The following ABCD2 variants were observed in gnomAD, a reference collection of about 807,000 sequenced individuals.
ABCD2 encodes the protein ATP binding cassette subfamily D member 2.
A neutral mutation model predicts 70.9 loss-of-function variants in ABCD2; 36 were observed. That is an observed-to-expected ratio of 0.51 (90% CI 0.39 to 0.67). The LOEUF (loss-of-function observed/expected upper bound fraction) is 0.67, where lower values mean the gene tolerates loss of function less well. Among genes scored for constraint, ABCD2 ranks in the 30% least tolerant of loss-of-function variants. The pLI is 0.00. For missense variants in ABCD2, 729 were observed against 890.2 expected (o/e 0.82, Z 2.30); for synonymous variants, 304 against 306.9 (o/e 0.99, Z 0.10).
At chr12:39,566,041 T>C (rs1479105874) in intron 9 of ABCD2, among the ~76,000 whole-genome samples, 2 of 152,230 alleles carry the variant, frequency 1.3e-5, no homozygotes, top group Non-Finnish European at 2.9e-5. Flanking sequence ...CAGTGTTTTA[T>C]TGAGGATTTT....
the ABCD2 span, among the ~76,000 whole-genome samples, chr12:39,542,387 C>G: frequency 1.3e-5 from 2 of 150,830 alleles, no homozygotes; most frequent in South Asian, 4.2e-4. Context: ...CGCTTGAACC[C>G]GAGAGGTGGA....
At position 39,552,744 on chromosome 12, in the gene ABCD2, T is replaced by C. The variant is rs1014597186; in HGVS notation, c.*1168A>G. 1 of 151,968 alleles carries C rather than the reference T, an allele frequency of 6.6e-6. No homozygotes were observed. Among genetic ancestry groups the C allele is most frequent in the African/African-American group, 2.4e-5 (1 of 41,422 alleles). The allele number at this position is 151,968 out of a possible 1,614,324, so 9.4% of individuals were successfully genotyped here. ...AACAATAACCAAATAACAATAAGAC[T>C]AACATTATGAAATTTATTTTATTTT... On this transcript the variant is annotated 3_prime_UTR_variant, in exon 10 of 10. Transcript: ENST00000308666.
intron 6 of ABCD2, among the ~76,000 whole-genome samples, chr12:39,589,046 T>C (rs1270518840): frequency 6.6e-6 from 1 of 152,186 alleles, no homozygotes; most frequent in Non-Finnish European, 1.5e-5. Context: ...TCCCTGTTCT[T>C]TGAAAATATA....
chr12:39,568,628 G>A (rs1042108414), intron 9 of ABCD2, among the ~76,000 whole-genome samples: 4 of 152,222 alleles, frequency 2.6e-5, no homozygotes, highest in Admixed American at 6.5e-5. Flanking sequence ...CTCTGAACTC[G>A]TCAAAGTCAT....
intron 9 of ABCD2, among the ~76,000 whole-genome samples, chr12:39,566,441 T>C (rs1941349466): frequency 6.6e-6 from 1 of 152,226 alleles, no homozygotes; most frequent in African/African-American, 2.4e-5. Context: ...TGTTTGCTGA[T>C]GGTAGTTTGT....
At position 39,554,773 on chromosome 12, in the gene ABCD2, C is replaced by T. The variant is rs1480685712; in HGVS notation, c.2004-642G>A. ...TACTGATGAGATAGGAGATGATCCA[C>T]CTTGTCCTAAAGGAGGCTGAGGTCA... On this transcript the variant is annotated intron_variant, in intron 9 of 9. Transcript: ENST00000308666. Among the ~76,000 whole-genome samples the T allele has an allele frequency of 2.6e-5, 4 of 152,044 alleles. 1 individual carries two copies. Among genetic ancestry groups the T allele is most frequent in the Non-Finnish European group, 5.9e-5 (4 of 68,028 alleles).
chr12:39,603,944 C>A lies in ABCD2; in HGVS notation c.1468G>T (p.Gly490Ter). The A allele has an allele frequency of 6.2e-7, 1 of 1,612,762 alleles. No homozygotes were observed. The change falls in exon 5 of 10, where the codon GGA becomes TGA. Residue 490 changes from glycine (G) to a stop codon, truncating the protein, a stop_gained. Transcript: ENST00000308666. LOFTEE classifies it high-confidence loss of function. ...TTTAGCCTGGAAGCCACCACTTCTC[C>A]TGCTGGTGTAATTATGGGAACATTT... ...CENVPIITPA[G>*]EVVASRLNFK...
chr12:39,608,904 C>T (rs1942008796), intron 2 of ABCD2, among the ~76,000 whole-genome samples: 1 of 152,118 alleles, frequency 6.6e-6, no homozygotes, highest in Non-Finnish European at 1.5e-5. Context: ...TCCAGCAGCA[C>T]CCCATACATG....
At chr12:39,547,467 A>G (rs1470034045), downstream of ABCD2, among the ~76,000 whole-genome samples, 1 of 152,160 alleles carries the variant, frequency 6.6e-6, no homozygotes, top group African/African-American at 2.4e-5. Flanking sequence ...CATGTACAGG[A>G]CTGTTATTCA....
chr12:39,548,454 C>T (rs1457494760), downstream of ABCD2, among the ~76,000 whole-genome samples: 3 of 151,934 alleles, frequency 2.0e-5, no homozygotes, highest in Admixed American at 2.0e-4. Context: ...CTCATATAAA[C>T]AATGAGCTAG....
At chr12:39,559,088 G>A (rs927110686) in intron 9 of ABCD2, among the ~76,000 whole-genome samples, 6 of 152,060 alleles carry the variant, frequency 3.9e-5, no homozygotes, top group Admixed American at 2.6e-4. Flanking sequence ...AAGAGCAAAT[G>A]TCGCCTGGAC....
At chr12:39,584,541 T>G (rs188048335) in intron 7 of ABCD2, among the ~76,000 whole-genome samples, 92 of 152,328 alleles carry the variant, frequency 6.0e-4, no homozygotes, top group Non-Finnish European at 1.1e-3. Context: ...ACTTGTCAAT[T>G]TTTGCTTTCA....
intron 6 of ABCD2, among the ~76,000 whole-genome samples, chr12:39,597,217 T>C (rs765026255): frequency 2.0e-5 from 3 of 152,202 alleles, no homozygotes; most frequent in Non-Finnish European, 1.5e-5. Context: ...TCTGTCTTTC[T>C]TCCTTCTGTC....
intron 9 of ABCD2, among the ~76,000 whole-genome samples, chr12:39,568,687 G>C (rs1025714203): frequency 2.0e-4 from 31 of 152,304 alleles, no homozygotes; most frequent in African/African-American, 6.0e-4. Flanking sequence ...CGTTCCTTTG[G>C]AGGAGGAGAG....
the ABCD2 span, among the ~76,000 whole-genome samples, chr12:39,540,910 C>T: frequency 1.3e-5 from 2 of 152,234 alleles, no homozygotes; most frequent in East Asian, 3.8e-4. Context: ...AACCAACCGC[C>T]TTGGGCACAT....
At chr12:39,538,819 G>A in the ABCD2 span, among the ~76,000 whole-genome samples, 1 of 152,172 alleles carries the variant, frequency 6.6e-6, no homozygotes, top group Admixed American at 6.5e-5. Context: ...CCGGAAGACA[G>A]CTACCCTGGC....
intron 6 of ABCD2, 36 bp from the exon 7 acceptor site, chr12:39,586,333 A>G: frequency 6.3e-7 from 1 of 1,590,706 alleles, no homozygotes; most frequent in Middle Eastern, 1.7e-4. Flanking sequence ...TCCTAGTGGA[A>G]AGTCATGATA....
At chr12:39,544,589 G>GTTAGATCTCTTTCACTGTCTCCGTCATAA in the ABCD2 span, among the ~76,000 whole-genome samples, 1 of 152,210 alleles carries the variant, frequency 6.6e-6, no homozygotes, top group Non-Finnish European at 1.5e-5. Flanking sequence ...AGTCAGCTAA[G>GTTAGATCTCTTTCACTGTCTCCGTCATAA]TTAGATCTCT....
chr12:39,552,756 ATTTAT>A lies in ABCD2; in HGVS notation c.*1151_*1155del, dbSNP rs1335483532. On this transcript the variant is annotated 3_prime_UTR_variant, in exon 10 of 10. Transcript: ENST00000308666. ...ATAACAATAAGACTAACATTATGAAATTTATTTTATTTTCTACACTTCGTCTAACT... is the reference window on the plus strand; with the variant it reads ...ATAACAATAAGACTAACATTATGAAATTTATTTTCTACACTTCGTCTAACT... 7 of 151,914 alleles carry A rather than the reference ATTTAT, an allele frequency of 4.6e-5. No individual in the cohort carries two copies. The highest frequency in any genetic ancestry group is 1.7e-4 in the African/African-American group (7 of 41,402). 9.4% of individuals were successfully genotyped at this position (151,914 alleles called of 1,614,324 possible).
Sources: allele counts gnomAD v4.1 joint callset (sites outside exome capture counted in the v4.1 genomes callset), GRCh38; gene constraint gnomAD v4.1.1; transcripts MANE v1.5; gene names NCBI Gene and HGNC (gene_info 2026-07-23, HGNC 2026-07-21).